OCIAD1: variants seen among roughly 807,000 people sequenced by gnomAD.
OCIAD1 encodes OCIA domain-containing protein 1.
A neutral mutation model predicts 38.9 loss-of-function variants in OCIAD1; 29 were observed. That is an observed-to-expected ratio of 0.74 (90% CI 0.55 to 1.02). The LOEUF is 1.02. Ranked by LOEUF, OCIAD1 falls within the 50% of genes least tolerant of loss-of-function variation. The probability of loss-of-function intolerance (pLI) is 0.00; values close to 1 mark genes in which losing one functional copy is unlikely to be tolerated. For missense variants in OCIAD1, 288 were observed against 289.6 expected (o/e 0.99, Z 0.04); for synonymous variants, 110 against 92.0 (o/e 1.20, Z -1.12).
chr4:48,840,238 A>G (rs1778397660), intron 3 of OCIAD1, among the ~76,000 whole-genome samples: 1 of 152,252 alleles, frequency 6.6e-6, no homozygotes, highest in African/African-American at 2.4e-5. Context: ...TATCCATTGT[A>G]GAAATGGCCA....
At chr4:48,806,867 G>C (rs1018593253) in intron 1 of OCIAD1, among the ~76,000 whole-genome samples, 13 of 152,186 alleles carry the variant, frequency 8.5e-5, no homozygotes, top group Admixed American at 2.6e-4. Context: ...GCCTCCCGAA[G>C]TGCTGGGATT....
intron 4 of OCIAD1, among the ~76,000 whole-genome samples, chr4:48,843,742 C>T (rs190901184): frequency 6.6e-6 from 1 of 152,156 alleles, no homozygotes; most frequent in Admixed American, 6.5e-5. Flanking sequence ...ACAAAAAAAA[C>T]CCCACTTGAA....
chr4:48,842,568 T>C, intron 3 of OCIAD1, 68 bp from the exon 4 acceptor site: 1 of 964,616 alleles, frequency 1.0e-6, no homozygotes, highest in African/African-American at 1.7e-5. Context: ...GCTATTCATT[T>C]ATCTAATGAA....
chr4:48,809,705 T>A (rs1777065987), intron 1 of OCIAD1, among the ~76,000 whole-genome samples: 1 of 152,128 alleles, frequency 6.6e-6, no homozygotes, highest in African/African-American at 2.4e-5. Context: ...AGCACCCCAC[T>A]CTTTCACCTG....
chr4:48,852,882 G>GTTTTTTTTTTTTGTT (rs1553901201), intron 7 of OCIAD1, among the ~76,000 whole-genome samples: 1 of 126,308 alleles, frequency 7.9e-6, no homozygotes, highest in African/African-American at 3.2e-5. Flanking sequence ...TTTGTTTTTT[G>GTTTTTTTTTTTTGTT]TTTTTTTTTT....
Position 48,832,619 on chromosome 4 carries a change from G to C in OCIAD1, c.-5-1G>C. ...CTTAATATGTAATGTTTTTGATACA[G>C]GAAAGATGAATGGGAGGGCTGATTT... On this transcript the variant is annotated splice_acceptor_variant, in intron 1 of 8. Coordinates refer to ENST00000264312, the MANE Select transcript of OCIAD1 (RefSeq NM_017830.4). LOFTEE classifies it low-confidence loss of function (5UTR_SPLICE). The C allele has an allele frequency of 6.2e-7, 1 of 1,611,416 alleles. No homozygotes were observed. Among genetic ancestry groups the C allele is most frequent in the East Asian group, 2.2e-5 (1 of 44,860 alleles).
Position 48,857,213 on chromosome 4 carries a change from G to A in OCIAD1, c.548G>A (p.Gly183Glu). ...ATTTATTAACTGTTTGTTGTTTTAG[G>A]ACCTGATCCCAACCTTGAAGAAAGT... ...PTGITDHIVQ[G>E]PDPNLEESPK... Residue 183 changes from glycine to glutamate, a missense_variant and splice_region_variant, in exon 8 of 9, where the codon GGA becomes GAA. Gly to Glu is a moderately conservative substitution (Grantham distance 98). Coordinates refer to ENST00000264312, the MANE Select transcript of OCIAD1 (RefSeq NM_017830.4). The A allele has an allele frequency of 1.3e-6, 2 of 1,524,580 alleles. No homozygotes were observed. The highest frequency in any genetic ancestry group is 1.8e-6 in the Non-Finnish European group (2 of 1,137,290). The allele number at this position is 1,524,580 out of a possible 1,614,324, so 94.4% of individuals were successfully genotyped here.
At chr4:48,842,753 C>T in intron 4 of OCIAD1, 64 bp downstream of exon 4, 1 of 874,672 alleles carries the variant, frequency 1.1e-6, no homozygotes, top group Non-Finnish European at 1.8e-6. Flanking sequence ...GTGGTATTTT[C>T]CAGGTCTTTA....
chr4:48,850,053 A>T lies in OCIAD1; in HGVS notation c.348A>T (p.Ser116=), dbSNP rs781211184. The T allele has an allele frequency of 1.2e-5, 20 of 1,611,504 alleles. No homozygotes were observed. Among genetic ancestry groups the T allele is most frequent in the Non-Finnish European group, 1.7e-5 (20 of 1,179,450 alleles). ...ENSPLGEALR[S]GQARRSSPPG... is the part of the protein sequence containing the mutation. ...CCCCCCTTGGAGAAGCTTTACGATCAGGACAAGCACGACGATCTTCACCAC... is the reference window on the plus strand; with the variant it reads ...CCCCCCTTGGAGAAGCTTTACGATCTGGACAAGCACGACGATCTTCACCAC... Residue 116 remains serine, a synonymous_variant, in exon 6 of 9, where the codon TCA becomes TCT. Transcript: ENST00000264312.
rs373807301 is a variant in OCIAD1 at position 48,851,933 on chromosome 4, A to G, written c.505A>G (p.Asn169Asp). Reference sequence around the variant, plus strand: ...GCCAATTCCATTCAGTTCTTCTATGAATGAATCTGCTCCCACTGGTATTAC... The same window carrying G: ...GCCAATTCCATTCAGTTCTTCTATGGATGAATCTGCTCCCACTGGTATTAC... Reference protein sequence around the residue: ...YEPIPFSSSMNESAPTGITDH... With the variant: ...YEPIPFSSSMDESAPTGITDH... Residue 169 changes from asparagine to aspartate, a missense_variant, in exon 7 of 9, where the codon AAT becomes GAT. Coordinates refer to ENST00000264312, the MANE Select transcript of OCIAD1 (RefSeq NM_017830.4). 4.3e-6 allele frequency: 7 copies of G among 1,609,388 alleles called. No homozygotes were observed. The highest frequency in any genetic ancestry group is 1.3e-5 in the African/African-American group (1 of 74,814).
chr4:48,848,653 G>C, intron 5 of OCIAD1: 1 of 372,794 alleles, frequency 2.7e-6, no homozygotes, highest in Admixed American at 4.6e-5. Flanking sequence ...GCATTTTTTT[G>C]TGTCTTTATA....
intron 3 of OCIAD1, among the ~76,000 whole-genome samples, chr4:48,835,956 G>A (rs1327297443): frequency 6.6e-6 from 1 of 152,214 alleles, no homozygotes; most frequent in Non-Finnish European, 1.5e-5. Context: ...CTGCTGGAGC[G>A]GTGAGCCTGA....
At chr4:48,832,511 T>C in intron 1 of OCIAD1, 109 bp from the exon 2 acceptor site, 1 of 783,390 alleles carries the variant, frequency 1.3e-6, no homozygotes, top group Non-Finnish European at 2.2e-6. Flanking sequence ...AAATATTTGT[T>C]GATTGATTGC....
intron 1 of OCIAD1, among the ~76,000 whole-genome samples, chr4:48,824,048 G>A (rs1777224568): frequency 1.3e-5 from 2 of 151,452 alleles, no homozygotes; most frequent in African/African-American, 4.8e-5. Flanking sequence ...GCATGATCTT[G>A]GCTTACTGCA....
chr4:48,810,137 C>CA (rs890846773), intron 1 of OCIAD1, among the ~76,000 whole-genome samples: 2 of 151,822 alleles, frequency 1.3e-5, no homozygotes, highest in Non-Finnish European at 2.9e-5. Context: ...TTATCTCTGC[C>CA]AAAAAAATCT....
At chr4:48,807,905 G>A (rs528004236) in intron 1 of OCIAD1, among the ~76,000 whole-genome samples, 8 of 152,238 alleles carry the variant, frequency 5.3e-5, no homozygotes, top group African/African-American at 1.7e-4. Context: ...TCTCTAGACC[G>A]GATGTTTTCC....
At chr4:48,844,382 G>C (rs1025628329) in intron 4 of OCIAD1, among the ~76,000 whole-genome samples, 2 of 152,092 alleles carry the variant, frequency 1.3e-5, no homozygotes, top group Non-Finnish European at 2.9e-5. Context: ...TTGGGAGGCC[G>C]AGTCGGGTGC....
At chr4:48,825,250 T>C (rs1777237709) in intron 1 of OCIAD1, among the ~76,000 whole-genome samples, 1 of 152,176 alleles carries the variant, frequency 6.6e-6, no homozygotes, top group Non-Finnish European at 1.5e-5. Context: ...TCCTGACTCC[T>C]TGTGCCCCCA....
intron 1 of OCIAD1, among the ~76,000 whole-genome samples, chr4:48,817,790 A>G (rs1777156622): frequency 6.6e-6 from 1 of 152,156 alleles, no homozygotes; most frequent in African/African-American, 2.4e-5. Context: ...TTTTCTCCTG[A>G]CATTGCTCAG....
Sources: gnomAD v4.1 joint callset for allele counts (sites outside exome capture counted in the v4.1 genomes callset) on GRCh38, gnomAD v4.1.1 for gene constraint, MANE v1.5 for transcripts, NCBI Gene and HGNC (gene_info 2026-07-23, HGNC 2026-07-21) for gene names.